KCNMA1: variants seen among roughly 807,000 people sequenced by gnomAD.
KCNMA1 encodes the protein Calcium-activated potassium channel subunit alpha-1.
KCNMA1 carries 29 observed loss-of-function variants against 140.0 expected under a neutral mutation model. The ratio of observed to expected loss-of-function variants is 0.21; its 90% CI spans 0.15 to 0.28. The LOEUF is 0.28. Among genes scored for constraint, KCNMA1 ranks in the 10% least tolerant of loss-of-function variants. The pLI is 1.00. For synonymous variants in KCNMA1, 612 were observed against 611.9 expected (o/e 1.00, Z 0.00); for missense variants, 880 against 1,602.2 (o/e 0.55, Z 7.70).
Position 77,001,506 on chromosome 10 carries a change from A to C in KCNMA1, c.2167T>G (p.Cys723Gly). 6.4e-7 allele frequency: 1 copy of C among 1,551,894 alleles called. No individual in the cohort carries two copies. The highest frequency in any genetic ancestry group is 2.4e-5 in the East Asian group (1 of 40,924). ...TTACCACGCACACGGCCTGACATGC[A>C]TGAGCAGTCACGCTCAGAACGTCCG... ...DCGRSERDCS[C>G]MSGRVRGNVD... The change falls in exon 19 of 28, where the codon TGC becomes GGC. Residue 723 changes from cysteine to glycine, a missense_variant. Physicochemically the swap from Cys to Gly is radical, Grantham distance 159 (BLOSUM62 -3). Coordinates refer to ENST00000286628, the MANE Select transcript of KCNMA1 (RefSeq NM_001161352.2).
downstream of KCNMA1, chr10:76,877,052 A>C (rs2032522619): frequency 2.0e-5 from 3 of 152,812 alleles, no homozygotes; most frequent in South Asian, 6.2e-4. Context: ...AAAGCAGCAG[A>C]AGGTCTTCCC....
chr10:77,625,156 G>A (rs184085979), intron 1 of KCNMA1, among the ~76,000 whole-genome samples: 94 of 152,336 alleles, frequency 6.2e-4, no homozygotes, highest in African/African-American at 2.2e-3. Flanking sequence ...CACTTTGGGA[G>A]GCTGAGGCGG....
At position 77,382,865 on chromosome 10, in the gene KCNMA1, CAAAAAAAA is replaced by C. The variant is rs767673552; in HGVS notation, c.540+20989_540+20996del. On this transcript the variant is annotated intron_variant, in intron 2 of 27. Transcript: ENST00000286628. Reference sequence around the variant, plus strand: ...GGGAGACAAGAGCAAAGCTCCGTCTCAAAAAAAAAAAAAAAAAAAAATATATATATATA... The same window carrying C: ...GGGAGACAAGAGCAAAGCTCCGTCTCAAAAAAAAAAAAATATATATATATA... 8.0e-4 allele frequency among the ~76,000 whole-genome samples: 38 copies of C among 47,576 alleles called. 1 individual carries two copies. Among genetic ancestry groups the C allele is most frequent in the South Asian group, 6.0e-3 (4 of 662 alleles). 31.2% of individuals were successfully genotyped at this position (47,576 alleles called of 152,430 possible).
At chr10:76,903,557 T>G (rs1590053758) in intron 25 of KCNMA1, 1 of 152,262 alleles carries the variant, frequency 6.6e-6, no homozygotes, top group African/African-American at 2.4e-5. Flanking sequence ...TGTACCCGAC[T>G]GACACCACTG....
intron 9 of KCNMA1, among the ~76,000 whole-genome samples, chr10:77,093,678 A>G (rs1347719089): frequency 6.6e-6 from 1 of 152,190 alleles, no homozygotes; most frequent in East Asian, 1.9e-4. Context: ...TAGTTTGGGG[A>G]AGGATATTAT....
intron 24 of KCNMA1, 147 bp from the exon 25 acceptor site, chr10:76,910,243 A>T (rs2049580477): frequency 1.2e-6 from 1 of 843,176 alleles, no homozygotes; most frequent in African/African-American, 1.7e-5. Flanking sequence ...ATCTTTGGGT[A>T]AGGGGGGCAG....
intron 14 of KCNMA1, among the ~76,000 whole-genome samples, chr10:77,064,581 T>G (rs1042669468): frequency 9.2e-5 from 14 of 152,218 alleles, no homozygotes; most frequent in Non-Finnish European, 1.9e-4. Context: ...GAATCCCTGT[T>G]AATAGCTCAT....
intron 5 of KCNMA1, among the ~76,000 whole-genome samples, chr10:77,177,845 C>T (rs2098766777): frequency 6.6e-6 from 1 of 152,130 alleles, no homozygotes; most frequent in Non-Finnish European, 1.5e-5. Flanking sequence ...GTAGTGTTAC[C>T]TGCTGTCACT....
At chr10:77,587,914 T>C (rs1388357010) in intron 1 of KCNMA1, 20 of 966,260 alleles carry the variant, frequency 2.1e-5, no homozygotes, top group Middle Eastern at 5.3e-4. Flanking sequence ...AAGATGTTTA[T>C]AGTTTATTTG....
At chr10:77,105,981 A>G (rs1011532215) in intron 9 of KCNMA1, among the ~76,000 whole-genome samples, 10 of 152,280 alleles carry the variant, frequency 6.6e-5, no homozygotes, top group African/African-American at 2.4e-4. Context: ...CATTTCATCA[A>G]TCTTGTTTTA....
intron 2 of KCNMA1, among the ~76,000 whole-genome samples, chr10:77,261,795 G>A (rs2062071008): frequency 6.6e-6 from 1 of 152,160 alleles, no homozygotes; most frequent in Admixed American, 6.6e-5. Context: ...GTCTAAAGTT[G>A]GAAGACCTTT....
chr10:77,515,045 G>C (rs2154549215), intron 1 of KCNMA1, among the ~76,000 whole-genome samples: 1 of 152,290 alleles, frequency 6.6e-6, no homozygotes, highest in South Asian at 2.1e-4. Flanking sequence ...GTTGAGAAAT[G>C]AGAATGCCCC....
chr10:76,952,138 G>C, intron 21 of KCNMA1: 1 of 1,551,732 alleles, frequency 6.4e-7, no homozygotes, highest in Non-Finnish European at 8.7e-7. Flanking sequence ...CTAGGTCCCA[G>C]ATACGGCATC....
chr10:77,079,681 C>T, intron 12 of KCNMA1, 131 bp from the exon 13 acceptor site: 2 of 720,432 alleles, frequency 2.8e-6, no homozygotes, highest in Non-Finnish European at 5.1e-6. Flanking sequence ...ATTCCAGAGG[C>T]AGGGCTCAGA....
chr10:77,134,902 G>T (rs2097955536), intron 5 of KCNMA1, among the ~76,000 whole-genome samples: 1 of 145,960 alleles, frequency 6.9e-6, no homozygotes, highest in Non-Finnish European at 1.5e-5. Context: ...GCAGGCTGAG[G>T]CAGGAGAATG....
At chr10:77,440,948 G>C (rs1285853746) in intron 1 of KCNMA1, among the ~76,000 whole-genome samples, 3 of 152,060 alleles carry the variant, frequency 2.0e-5, no homozygotes, top group Non-Finnish European at 4.4e-5. Flanking sequence ...CCCTCCGAGT[G>C]GCTGGGACTG....
intron 1 of KCNMA1, among the ~76,000 whole-genome samples, chr10:77,452,383 G>A (rs150209938): frequency 2.1e-3 from 318 of 152,302 alleles, no homozygotes; most frequent in African/African-American, 7.4e-3. Context: ...GGAATGGGGG[G>A]TTAACTTTTG....
At chr10:77,538,013 A>G (rs1376311602) in intron 1 of KCNMA1, among the ~76,000 whole-genome samples, 1 of 151,628 alleles carries the variant, frequency 6.6e-6, no homozygotes, top group Non-Finnish European at 1.5e-5. Flanking sequence ...TCACATTCGT[A>G]TACTCTACAC....
In KCNMA1 at chr10:77,047,084, C is replaced by A. The variant is rs529089395; in HGVS notation, c.1750-7447G>T. Among the ~76,000 whole-genome samples, 125 of 152,278 alleles carry A rather than the reference C, an allele frequency of 8.2e-4. 1 individual carries two copies. Among genetic ancestry groups the A allele is most frequent in the Admixed American group, 9.2e-4 (14 of 15,288 alleles). The stretch of plus-strand genomic sequence containing the variant: ...ACAATTTGGCATTCCACAATTATGG[C>A]CTCTTTCAGAGAGCATTTTCCAGAA... On this transcript the variant is annotated intron_variant, in intron 14 of 27. Transcript: ENST00000286628.
Sources: gnomAD v4.1 joint callset for allele counts (sites outside exome capture counted in the v4.1 genomes callset) on GRCh38, gnomAD v4.1.1 for gene constraint, MANE v1.5 for transcripts, NCBI Gene and HGNC (gene_info 2026-07-23, HGNC 2026-07-21) for gene names.